SLC22A23: variants seen among roughly 807,000 people sequenced by gnomAD.
The protein encoded by SLC22A23 is solute carrier family 22 member 23.
In SLC22A23, 26 loss-of-function variants were observed where a neutral mutation model predicts 61.0. The ratio of observed to expected loss-of-function variants is 0.43; its 90% confidence interval spans 0.31 to 0.59. The LOEUF is 0.59. Ranked by LOEUF, SLC22A23 falls within the 20% of genes least tolerant of loss-of-function variation. The probability of loss-of-function intolerance (pLI) is 0.11; values close to 1 mark genes in which losing one functional copy is unlikely to be tolerated. For missense variants in SLC22A23, 796 were observed against 934.7 expected (o/e 0.85, Z 1.94); for synonymous variants, 430 against 413.9 (o/e 1.04, Z -0.47).
At chr6:3,384,046 C>T (rs1767125643) in intron 3 of SLC22A23, among the ~76,000 whole-genome samples, 1 of 152,218 alleles carries the variant, frequency 6.6e-6, no homozygotes, top group Non-Finnish European at 1.5e-5. Flanking sequence ...ATGTACACCC[C>T]TATTACTTGA....
chr6:3,366,350 AAAAAAAAGAAAG>A (rs1159265198), intron 3 of SLC22A23, among the ~76,000 whole-genome samples: 5 of 128,662 alleles, frequency 3.9e-5, no homozygotes, highest in East Asian at 5.6e-4. Context: ...AAAAAAAAAA[AAAAAAAAGAAAG>A]AAAGAAAGAA....
At chr6:3,401,443 T>C (rs1317436351) in intron 3 of SLC22A23, among the ~76,000 whole-genome samples, 1 of 152,220 alleles carries the variant, frequency 6.6e-6, no homozygotes, top group African/African-American at 2.4e-5. Flanking sequence ...TATAACTTTC[T>C]TTCTAAAATA....
chr6:3,299,739 G>C (rs1212164635), intron 4 of SLC22A23, among the ~76,000 whole-genome samples: 1 of 152,204 alleles, frequency 6.6e-6, no homozygotes. Flanking sequence ...CTTGTGGCCT[G>C]AGTGTGGATG....
intron 3 of SLC22A23, among the ~76,000 whole-genome samples, chr6:3,394,845 G>A (rs908961425): frequency 9.9e-5 from 15 of 152,254 alleles, no homozygotes; most frequent in Non-Finnish European, 1.9e-4. Flanking sequence ...CCTGGTGACA[G>A]GGGCTAAGAC....
At position 3,410,170 on chromosome 6, in the gene SLC22A23, G is replaced by A. The variant is rs111888745; in HGVS notation, c.913+18C>T. ...TTGCTAAATTCTTTCAAGACTAGTCGTGAAGGCTCCTACTTACGTAAAGCA... is the reference window on the plus strand; with the variant it reads ...TTGCTAAATTCTTTCAAGACTAGTCATGAAGGCTCCTACTTACGTAAAGCA... On this transcript the variant is annotated intron_variant, in intron 3 of 9. Transcript: ENST00000406686. The surrounding 1 kb of genome is among the most constrained non-coding windows in gnomAD (Gnocchi z 5.0). 9.4e-6 allele frequency: 15 copies of A among 1,599,674 alleles called. No homozygotes were observed. In the African/African-American group the frequency reaches 1.1e-4, roughly 12 times the overall value.
chr6:3,395,312 A>G (rs4959823), intron 3 of SLC22A23, among the ~76,000 whole-genome samples: 39,739 of 152,136 alleles, frequency 0.26, 5,778 homozygotes, highest in Middle Eastern at 0.38. Context: ...CAGGTCTAAC[A>G]GGTATGAATA....
intron 1 of SLC22A23, among the ~76,000 whole-genome samples, chr6:3,453,777 C>G (rs1049603006): frequency 1.3e-5 from 2 of 152,234 alleles, no homozygotes; most frequent in Non-Finnish European, 2.9e-5. Context: ...TTCTCAAACC[C>G]TGAGCTTTTA....
Position 3,427,875 on chromosome 6 carries a change from C to T in SLC22A23, c.655-12020G>A, listed in dbSNP as rs1770604015. ...AGCATGACAGCAGAGTGTGACTGTG[C>T]AGGCTGGCTCCCGGCCCCCGCCCTC... On this transcript the variant is annotated intron_variant, in intron 1 of 9. Transcript: ENST00000406686. The surrounding 1 kb of genome is among the most constrained non-coding windows in gnomAD (Gnocchi z 4.3). Among the ~76,000 whole-genome samples, 1 of 152,212 alleles carries T rather than the reference C, an allele frequency of 6.6e-6. No individual in the cohort carries two copies. The highest frequency in any genetic ancestry group is 1.5e-5 in the Non-Finnish European group (1 of 68,028).
chr6:3,379,884 G>A (rs1304404383), intron 3 of SLC22A23, among the ~76,000 whole-genome samples: 7 of 152,178 alleles, frequency 4.6e-5, no homozygotes, highest in African/African-American at 1.4e-4. Flanking sequence ...TAAATATTGT[G>A]CACACATTTC....
At chr6:3,402,735 G>A (rs1768513886) in intron 3 of SLC22A23, among the ~76,000 whole-genome samples, 1 of 152,254 alleles carries the variant, frequency 6.6e-6, no homozygotes, top group Non-Finnish European at 1.5e-5. Flanking sequence ...TGTCCCAGCA[G>A]GGTGTGTCTC....
chr6:3,454,924 C>T lies in SLC22A23; in HGVS notation c.654+982G>A, dbSNP rs1029772171. On this transcript the variant is annotated intron_variant, in intron 1 of 9. Transcript: ENST00000406686. This position sits in a 1 kb window ranked among gnomAD's most constrained non-coding sequence, Gnocchi z 4.3. ...CAAAGCATTTAAAACTCTGCCAGAACAGCCCAGAATGGGTAGCGGGTGGGG... is the reference window on the plus strand; with the variant it reads ...CAAAGCATTTAAAACTCTGCCAGAATAGCCCAGAATGGGTAGCGGGTGGGG... 6.6e-6 allele frequency among the ~76,000 whole-genome samples: 1 copy of T among 152,234 alleles called. No individual in the cohort carries two copies. The highest frequency in any genetic ancestry group is 1.5e-5 in the Non-Finnish European group (1 of 68,046).
rs115531247 is a variant in SLC22A23 at position 3,407,808 on chromosome 6, C to T, written c.913+2380G>A. 3.5e-3 allele frequency among the ~76,000 whole-genome samples: 526 copies of T among 152,318 alleles called. 4 individuals carry two copies. The highest frequency in any genetic ancestry group is 0.014 in the Middle Eastern group (4 of 294). ...TATTGCAGAAAAAAACCTAAGGCTG[C>T]TTACACTAAATAACATACACACTAA... On this transcript the variant is annotated intron_variant, in intron 3 of 9. Transcript: ENST00000406686.
chr6:3,452,599 T>TAAAAAAAAAAA (rs570923626), intron 1 of SLC22A23, among the ~76,000 whole-genome samples: 2 of 40,560 alleles, frequency 4.9e-5, no homozygotes, highest in Non-Finnish European at 8.2e-5. Context: ...AGACGCTGTC[T>TAAAAAAAAAAA]AAAAAAAAAA....
chr6:3,356,465 C>T, intron 3 of SLC22A23, among the ~76,000 whole-genome samples: 1 of 152,140 alleles, frequency 6.6e-6, no homozygotes, highest in Middle Eastern at 3.2e-3. Flanking sequence ...CAGCCTCTCA[C>T]TTCCTCATTT....
chr6:3,391,732 C>T (rs1261724544), intron 3 of SLC22A23, among the ~76,000 whole-genome samples: 1 of 152,136 alleles, frequency 6.6e-6, no homozygotes, highest in Non-Finnish European at 1.5e-5. Flanking sequence ...TAAGGTAGGG[C>T]AGATGCTTTA....
At position 3,455,896 on chromosome 6, in the gene SLC22A23, C is replaced by T. The variant is rs1451007693; in HGVS notation, c.654+10G>A. ...GAGGGTTGGAGGGACTGGGCGGCTG[C>T]GGCCCTTACCTTGCTGACCACGTTC... On this transcript the variant is annotated intron_variant, in intron 1 of 9. Transcript: ENST00000406686. The T allele has an allele frequency of 6.7e-7, 1 of 1,483,812 alleles. No homozygotes were observed. The highest frequency in any genetic ancestry group is 1.3e-5 in the South Asian group (1 of 74,216). The allele number at this position is 1,483,812 out of a possible 1,614,324, so 91.9% of individuals were successfully genotyped here.
chr6:3,291,607 A>C (rs113845104), intron 5 of SLC22A23: 2 of 152,208 alleles, frequency 1.3e-5, no homozygotes, highest in Non-Finnish European at 2.9e-5. Context: ...CCCAAGGTCC[A>C]TTATTTTTCC....
chr6:3,395,967 T>C (rs1340404368), intron 3 of SLC22A23, among the ~76,000 whole-genome samples: 3 of 152,222 alleles, frequency 2.0e-5, no homozygotes, highest in African/African-American at 7.2e-5. Flanking sequence ...CTCATGCAAA[T>C]TCCTTACAAG....
chr6:3,290,031 A>C, intron 5 of SLC22A23, 165 bp from the exon 6 acceptor site: 1 of 642,562 alleles, frequency 1.6e-6, no homozygotes. Context: ...GGTTTCCAGG[A>C]TAGAAAGGCA....
Sources: allele counts gnomAD v4.1 joint callset (sites outside exome capture counted in the v4.1 genomes callset), GRCh38; gene constraint gnomAD v4.1.1; non-coding constraint Gnocchi (gnomAD v3.1); transcripts MANE v1.5; gene names NCBI Gene and HGNC (gene_info 2026-07-23, HGNC 2026-07-21).